Variants in LDAF1 observed in about 807,000 individuals in gnomAD.
LDAF1 encodes lipid droplet assembly factor 1, also known as PROMETHIN.
LDAF1 carries 7 observed loss-of-function variants against 13.5 expected under a neutral mutation model. That is an observed-to-expected ratio of 0.52 (90% CI 0.29 to 0.97). The LOEUF is 0.97. Ranked by LOEUF, LDAF1 falls within the 50% of genes least tolerant of loss-of-function variation. The pLI, the probability that LDAF1 is intolerant of heterozygous loss-of-function variation, is 0.07. For synonymous variants in LDAF1, 69 were observed against 77.1 expected (o/e 0.89, Z 0.55); for missense variants, 148 against 193.2 (o/e 0.77, Z 1.39).
At chr16:21,173,749 C>A (rs1375851886) in intron 3 of LDAF1, among the ~76,000 whole-genome samples, 1 of 151,908 alleles carries the variant, frequency 6.6e-6, no homozygotes, top group African/African-American at 2.4e-5. Context: ...GCAAAGCAGC[C>A]CATGTGTGAT....
At chr16:21,173,793 G>A (rs2093112970) in intron 3 of LDAF1, among the ~76,000 whole-genome samples, 1 of 152,144 alleles carries the variant, frequency 6.6e-6, no homozygotes, top group Admixed American at 6.5e-5. Context: ...GGAGGCAACG[G>A]GAGGGCCAGC....
chr16:21,179,370 G>A (rs2093164380), intron 4 of LDAF1, 105 bp from the exon 5 acceptor site: 11 of 1,600,144 alleles, frequency 6.9e-6, no homozygotes, highest in Non-Finnish European at 9.4e-6. Flanking sequence ...GCAAGAAGCA[G>A]CTAAAAATCA....
chr16:21,170,700 C>G lies in LDAF1; in HGVS notation c.265+95C>G. 7.0e-6 allele frequency: 10 copies of G among 1,438,070 alleles called. No individual in the cohort carries two copies. In the South Asian group the frequency reaches 1.0e-4, roughly 14 times the overall value. The allele number at this position is 1,438,070 out of a possible 1,614,324, so 89.1% of individuals were successfully genotyped here. On this transcript the variant is annotated intron_variant, in intron 3 of 4. Transcript: ENST00000233047. ...TAAAAATTTTTTTAAGGGGCGGGGT[C>G]TTGTTATGTTGCCCAGGCTGGTCTC...
chr16:21,160,868 G>A (rs2092965721), intron 1 of LDAF1: 1 of 340,932 alleles, frequency 2.9e-6, no homozygotes, highest in African/African-American at 2.1e-5. Flanking sequence ...GCAATGCACA[G>A]CCTTTTAGTA....
chr16:21,176,642 C>CA (rs1354531888), intron 4 of LDAF1, among the ~76,000 whole-genome samples: 1 of 148,688 alleles, frequency 6.7e-6, no homozygotes, highest in Non-Finnish European at 1.5e-5. Context: ...GACCCTGTCT[C>CA]AAAAAACAAA....
intron 4 of LDAF1, among the ~76,000 whole-genome samples, chr16:21,174,874 C>G (rs571566577): frequency 6.6e-6 from 1 of 152,252 alleles, no homozygotes; most frequent in East Asian, 1.9e-4. Flanking sequence ...CTTCTGTCCC[C>G]AAAGTCTGTC....
chr16:21,178,625 C>T (rs1429188132), intron 4 of LDAF1, among the ~76,000 whole-genome samples: 1 of 152,062 alleles, frequency 6.6e-6, no homozygotes, highest in Non-Finnish European at 1.5e-5. Flanking sequence ...TGCTGCAGCT[C>T]CAGATCTACC....
intron 2 of LDAF1, among the ~76,000 whole-genome samples, chr16:21,163,352 A>T (rs1319833847): frequency 1.3e-5 from 2 of 152,166 alleles, no homozygotes; most frequent in African/African-American, 2.4e-5. Flanking sequence ...TAATGACCTC[A>T]AAAGCACTGC....
chr16:21,179,646 G>C lies in LDAF1; in HGVS notation c.*90G>C. The C allele has an allele frequency of 8.6e-7, 1 of 1,159,746 alleles. No individual in the cohort carries two copies. Among genetic ancestry groups the C allele is most frequent in the East Asian group, 2.4e-5 (1 of 41,648 alleles). The allele number at this position is 1,159,746 out of a possible 1,614,324, so 71.8% of individuals were successfully genotyped here. On this transcript the variant is annotated 3_prime_UTR_variant, in exon 5 of 5. Coordinates refer to ENST00000233047, the MANE Select transcript of LDAF1 (RefSeq NM_001301771.2). ...TGGCTTAGAAGAAGGGGGCTGGGTA[G>C]GCAAGCACTCCTTGGCTGTGTCCTC...
chr16:21,167,696 G>GTGTTTTTTTTTTT (rs2093037527), intron 2 of LDAF1, among the ~76,000 whole-genome samples: 1 of 89,092 alleles, frequency 1.1e-5, no homozygotes, highest in Non-Finnish European at 2.0e-5. Context: ...CCTTAGGTTT[G>GTGTTTTTTTTTTT]TTTTTTTTTT....
In LDAF1 at chr16:21,179,489, A is replaced by G. The variant is rs2093165408; in HGVS notation, c.419A>G (p.Gln140Arg). ...CWFSPRPLTQ[Q>R]NTSCDFLPAM... ...TTATCCGACAGGCCACTGACACAGC[A>G]AAACACCAGTTGTGACTTTCTGCCA... The change falls in exon 5 of 5, where the codon CAA (glutamine) becomes CGA (arginine). Residue 140 changes from glutamine to arginine, a missense_variant. Physicochemically the swap from Gln to Arg is conservative, Grantham distance 43. Transcript: ENST00000233047. 1.9e-6 allele frequency: 3 copies of G among 1,614,218 alleles called. No individual in the cohort carries two copies. Among genetic ancestry groups the G allele is most frequent in the South Asian group, 1.1e-5 (1 of 91,078 alleles).
In LDAF1 at chr16:21,166,904, G is replaced by C. The variant is rs116791129; in HGVS notation, c.97-3533G>C. 4.6e-6 allele frequency: 7 copies of C among 1,535,632 alleles called. No individual in the cohort carries two copies. The South Asian group carries it at 8.3e-5, about 18-fold the overall frequency. On this transcript the variant is annotated intron_variant, in intron 2 of 4. Coordinates refer to ENST00000233047, the MANE Select transcript of LDAF1 (RefSeq NM_001301771.2). ...GGAGTGTCCAGGCTGGGCAGTGCTGGCTCCAAGGTGATTCCTGCTACAGTC... is the reference window on the plus strand; with the variant it reads ...GGAGTGTCCAGGCTGGGCAGTGCTGCCTCCAAGGTGATTCCTGCTACAGTC...
intron 3 of LDAF1, 137 bp from the exon 4 acceptor site, chr16:21,173,873 A>G: frequency 1.1e-6 from 1 of 937,782 alleles, no homozygotes; most frequent in Admixed American, 2.8e-5. Context: ...GATGCTAGAA[A>G]TCTGGGTTTT....
At chr16:21,177,212 G>A (rs1159856854) in intron 4 of LDAF1, 1 of 152,182 alleles carries the variant, frequency 6.6e-6, no homozygotes, top group Non-Finnish European at 1.5e-5. Context: ...GTTGTGCTAT[G>A]TTGTCCTGTT....
intron 1 of LDAF1, 70 bp downstream of exon 1, chr16:21,158,816 G>C (rs2092922558): frequency 6.2e-6 from 1 of 160,682 alleles, no homozygotes; most frequent in Admixed American, 6.0e-5. Context: ...GCCGGGCGGG[G>C]ACAGAGGAGG....
At chr16:21,159,544 C>T in intron 1 of LDAF1, 2 of 1,111,142 alleles carry the variant, frequency 1.8e-6, no homozygotes, top group Middle Eastern at 2.7e-4. Context: ...TTATTTGGAG[C>T]CTTGGAAGGG....
chr16:21,166,631 T>G (rs2093026726), intron 2 of LDAF1, among the ~76,000 whole-genome samples: 1 of 152,190 alleles, frequency 6.6e-6, no homozygotes, highest in South Asian at 2.1e-4. Context: ...TACTCACGGG[T>G]GTACTGCTGC....
intron 2 of LDAF1, among the ~76,000 whole-genome samples, chr16:21,165,788 T>C (rs2093018162): frequency 6.6e-6 from 1 of 152,170 alleles, no homozygotes; most frequent in African/African-American, 2.4e-5. Flanking sequence ...AAATATTATG[T>C]GAGCCACATA....
In LDAF1 at chr16:21,167,696, G is replaced by GTTTT. The variant is rs778992036; in HGVS notation, c.97-2731_97-2728dup. ...ATTCTGAGTCCAAGACCTTAGGTTT[G>GTTTT]TTTTTTTTTTTTTGAAAAGGAGACT... is the stretch of plus-strand genomic sequence containing the variant. On this transcript the variant is annotated intron_variant, in intron 2 of 4. Transcript: ENST00000233047. Among the ~76,000 whole-genome samples the GTTTT allele has an allele frequency of 4.2e-4, 37 of 89,090 alleles. 5 individuals are homozygous for GTTTT. Among genetic ancestry groups the GTTTT allele is most frequent in the African/African-American group, 1.3e-3 (30 of 22,584 alleles). 58.4% of individuals were successfully genotyped at this position (89,090 alleles called of 152,430 possible). A position where few individuals can be genotyped will look rare whatever the true frequency, so the allele number is the denominator to read the frequency against.
Sources: allele counts gnomAD v4.1 joint callset (sites outside exome capture counted in the v4.1 genomes callset), GRCh38; gene constraint gnomAD v4.1.1; transcripts MANE v1.5; gene names NCBI Gene and HGNC (gene_info 2026-07-23, HGNC 2026-07-21).